Variants in SCN3A observed in about 807,000 individuals in gnomAD.
SCN3A encodes sodium channel protein type 3 subunit alpha.
In SCN3A, 60 loss-of-function variants were observed where a neutral mutation model predicts 187.6. The ratio of observed to expected loss-of-function variants is 0.32; its 90% CI spans 0.26 to 0.40. The LOEUF (loss-of-function observed/expected upper bound fraction) is 0.40, where lower values mean the gene tolerates loss of function less well. Among genes scored for constraint, SCN3A ranks in the 10% least tolerant of loss-of-function variants. The pLI is 1.00. For missense variants in SCN3A, 1,601 were observed against 2,428.2 expected, an observed-to-expected ratio of 0.66 and a Z score of 7.16; for synonymous variants, 788 against 829.2, an observed-to-expected ratio of 0.95 and a Z score of 0.85.
At position 165,088,439 on chromosome 2, in the gene SCN3A, C is replaced by T. The variant is rs945835861; in HGVS notation, c.*1711G>A. On this transcript the variant is annotated 3_prime_UTR_variant, in exon 28 of 28. Transcript: ENST00000283254. Reference sequence around the variant, plus strand: ...GACTAGTCTGCATACGTAAATACTACAAAAGTTGAATAAAAAAAAACATCT... The same window carrying T: ...GACTAGTCTGCATACGTAAATACTATAAAAGTTGAATAAAAAAAAACATCT... 6.6e-6 allele frequency: 1 copy of T among 151,870 alleles called. No individual in the cohort carries two copies. Among genetic ancestry groups the T allele is most frequent in the African/African-American group, 2.4e-5 (1 of 41,230 alleles). 9.4% of individuals were successfully genotyped at this position (151,870 alleles called of 1,614,324 possible).
chr2:165,159,159 CTTG>C lies in SCN3A; in HGVS notation c.1031+3146_1031+3148del, dbSNP rs1307512599. On this transcript the variant is annotated intron_variant, in intron 9 of 27. Coordinates refer to ENST00000283254, the MANE Select transcript of SCN3A (RefSeq NM_006922.4). ...TCTAACAGATGTGCAGTGGTAACTC[CTTG>C]TTGTTTTAGTTTGCAATTCCCTAAT... Among the ~76,000 whole-genome samples the C allele has an allele frequency of 4.4e-5, 6 of 137,762 alleles. 1 individual carries two copies. The highest frequency in any genetic ancestry group is 1.5e-4 in the African/African-American group (5 of 33,942). The allele number at this position is 137,762 out of a possible 152,430, so 90.4% of individuals were successfully genotyped here.
chr2:165,176,481 G>A, intron 2 of SCN3A, 37 bp from the exon 3 acceptor site: 2 of 1,521,310 alleles, frequency 1.3e-6, no homozygotes, highest in Admixed American at 1.7e-5. Context: ...AGTTAGGAAA[G>A]CAAGCGATTG....
At chr2:165,164,639 T>G in intron 5 of SCN3A, 119 bp from the exon 6 acceptor site, 1 of 1,080,298 alleles carries the variant, frequency 9.3e-7, no homozygotes, top group Non-Finnish European at 1.4e-6. Flanking sequence ...TATTGTTCCT[T>G]ACTTCTATTT....
chr2:165,188,032 A>T (rs1691347945), intron 1 of SCN3A, among the ~76,000 whole-genome samples: 1 of 152,210 alleles, frequency 6.6e-6, no homozygotes, highest in South Asian at 2.1e-4. Flanking sequence ...ATGTTAAATA[A>T]CCAAAACATC....
At chr2:165,202,766 G>A (rs1273306476) in intron 1 of SCN3A, among the ~76,000 whole-genome samples, 2 of 152,044 alleles carry the variant, frequency 1.3e-5, no homozygotes, top group Non-Finnish European at 2.9e-5. Flanking sequence ...TATTTGGAGT[G>A]AATGTGATGA....
intron 6 of SCN3A, 32 bp from the exon 7 acceptor site, chr2:165,163,741 T>A (rs773493617): frequency 6.2e-7 from 1 of 1,613,672 alleles, no homozygotes; most frequent in Non-Finnish European, 8.5e-7. Flanking sequence ...ACAAACACAA[T>A]AACACACAAG....
chr2:165,150,645 A>T lies in SCN3A; in HGVS notation c.1381-3616T>A, dbSNP rs375393645. On this transcript the variant is annotated intron_variant, in intron 11 of 27. Coordinates refer to ENST00000283254, the MANE Select transcript of SCN3A (RefSeq NM_006922.4). Reference sequence around the variant, plus strand: ...TTTTTTAGCCGAACTCATCATAATCATAGGTTCTTTAAACTTCTACTAGAA... The same window carrying T: ...TTTTTTAGCCGAACTCATCATAATCTTAGGTTCTTTAAACTTCTACTAGAA... Among the ~76,000 whole-genome samples, 30 of 152,350 alleles carry T rather than the reference A, an allele frequency of 2.0e-4. No homozygotes were observed. In the East Asian group the frequency reaches 4.6e-3, roughly 24 times the overall value.
At position 165,198,910 on chromosome 2, in the gene SCN3A, G is replaced by T. The variant is rs536173119; in HGVS notation, c.-248+4913C>A. On this transcript the variant is annotated intron_variant, in intron 1 of 27. Transcript: ENST00000283254. Reference sequence around the variant, plus strand: ...AGGAGACAGAGAAACTAACAAACAGGTGACTAGTCCTCAAATAGAGGCTTA... The same window carrying T: ...AGGAGACAGAGAAACTAACAAACAGTTGACTAGTCCTCAAATAGAGGCTTA... Among the ~76,000 whole-genome samples, 77 of 151,986 alleles carry T rather than the reference G, an allele frequency of 5.1e-4. 1 individual carries two copies. The South Asian group carries it at 0.016, about 32-fold the overall frequency.
rs954546892 is a variant in SCN3A at position 165,087,586 on chromosome 2, G to T, written c.*2564C>A. 1.3e-5 allele frequency: 2 copies of T among 151,920 alleles called. No individual in the cohort carries two copies. The highest frequency in any genetic ancestry group is 4.8e-5 in the African/African-American group (2 of 41,340). The allele number at this position is 151,920 out of a possible 1,614,324, so 9.4% of individuals were successfully genotyped here. On this transcript the variant is annotated 3_prime_UTR_variant, in exon 28 of 28. Transcript: ENST00000283254. ...TGAAATACATATTTAGATCCAAATT[G>T]TCTTTAAAAATATGCATTACAACTG...
intron 19 of SCN3A, among the ~76,000 whole-genome samples, chr2:165,115,012 A>C (rs1328424787): frequency 6.6e-6 from 1 of 152,108 alleles, no homozygotes; most frequent in Admixed American, 6.6e-5. Context: ...AAAGATAAAC[A>C]TGCCTTCACT....
intron 5 of SCN3A, 126 bp from the exon 6 acceptor site, chr2:165,164,646 A>G (rs1689625338): frequency 5.8e-6 from 6 of 1,036,300 alleles, no homozygotes; most frequent in Admixed American, 4.5e-5. Flanking sequence ...CCTTACTTCT[A>G]TTTACCAAAT....
intron 11 of SCN3A, among the ~76,000 whole-genome samples, chr2:165,152,895 AT>A (rs1553534464): frequency 6.6e-6 from 1 of 151,988 alleles, no homozygotes; most frequent in Non-Finnish European, 1.5e-5. Flanking sequence ...TGTTGTGCAC[AT>A]GTACCCTAGA....
intron 2 of SCN3A, among the ~76,000 whole-genome samples, chr2:165,182,108 A>G (rs1304548948): frequency 1.3e-5 from 2 of 152,246 alleles, no homozygotes; most frequent in African/African-American, 4.8e-5. Context: ...GTGAAAAAAG[A>G]CAAATGCCAT....
In SCN3A at chr2:165,155,868, C is replaced by CCA. The variant is rs1688991223; in HGVS notation, c.1065_1066dup (p.Gly356ValfsTer26). On this transcript the variant is annotated frameshift_variant, in exon 10 of 28. Transcript: ENST00000283254. LOFTEE classifies it high-confidence loss of function. ...TGTGTAGCCATAGTTGGGGTTTCGACCAGCCTTCACACAGATGTATCCTTC... is the reference window on the plus strand; with the variant it reads ...TGTGTAGCCATAGTTGGGGTTTCGACCACAGCCTTCACACAGATGTATCCTTC... The CCA allele has an allele frequency of 6.2e-7, 1 of 1,613,926 alleles. No individual in the cohort carries two copies. The highest frequency in any genetic ancestry group is 8.5e-7 in the Non-Finnish European group (1 of 1,180,004).
chr2:165,131,432 T>G lies in SCN3A; in HGVS notation c.2392-15A>C, dbSNP rs543974424. Reference sequence around the variant, plus strand: ...CCAGTAAAGACCTAAAAAATAGAGATCAGCACTACTTCAAGAGCACTGAAA... The same window carrying G: ...CCAGTAAAGACCTAAAAAATAGAGAGCAGCACTACTTCAAGAGCACTGAAA... On this transcript the variant is annotated splice_polypyrimidine_tract_variant and intron_variant, in intron 15 of 27. Transcript: ENST00000283254. 2 of 1,590,906 alleles carry G rather than the reference T, an allele frequency of 1.3e-6. No homozygotes were observed. The highest frequency in any genetic ancestry group is 3.4e-5 in the Admixed American group (2 of 58,454).
chr2:165,128,819 T>C (rs1287284468), intron 17 of SCN3A, among the ~76,000 whole-genome samples: 1 of 148,462 alleles, frequency 6.7e-6, no homozygotes, highest in Admixed American at 6.8e-5. Context: ...TGTGTGTGTG[T>C]AGAAAGTATG....
intron 21 of SCN3A, among the ~76,000 whole-genome samples, chr2:165,104,696 G>T (rs1685765251): frequency 1.3e-5 from 2 of 151,802 alleles, no homozygotes; most frequent in South Asian, 4.2e-4. Context: ...AGAGACAAAA[G>T]CTCAAATTAG....
chr2:165,115,232 C>A (rs1377366924), intron 19 of SCN3A, among the ~76,000 whole-genome samples: 1 of 143,646 alleles, frequency 7.0e-6, no homozygotes, highest in Non-Finnish European at 1.5e-5. Flanking sequence ...TTTTTTCTTT[C>A]TTTATTTTTT....
At chr2:165,161,289 G>A (rs1362385311) in intron 9 of SCN3A, among the ~76,000 whole-genome samples, 1 of 151,264 alleles carries the variant, frequency 6.6e-6, no homozygotes, top group Non-Finnish European at 1.5e-5. Flanking sequence ...ACTATTAAAG[G>A]GACAGAATAT....
Sources: gnomAD v4.1 joint callset for allele counts (sites outside exome capture counted in the v4.1 genomes callset) on GRCh38, gnomAD v4.1.1 for gene constraint, MANE v1.5 for transcripts, NCBI Gene and HGNC (gene_info 2026-07-23, HGNC 2026-07-21) for gene names.